The following TAC4 variants were observed in gnomAD, a reference collection of about 807,000 sequenced individuals.
TAC4 encodes tachykinin-4.
A neutral mutation model predicts 17.7 loss-of-function variants in TAC4; 17 were observed. The ratio of observed to expected loss-of-function variants is 0.96; its 90% CI spans 0.66 to 1.44. The LOEUF (loss-of-function observed/expected upper bound fraction) is 1.44. Among genes scored for constraint, TAC4 ranks in the 40% most tolerant of loss-of-function variants. The pLI is 0.00. For missense variants in TAC4, 118 were observed against 125.6 expected (o/e 0.94, Z 0.29); for synonymous variants, 62 against 52.4 (o/e 1.18, Z -0.79).
chr17:49,844,119 C>T lies in TAC4; in HGVS notation c.144G>A (p.Glu48=). The change falls in exon 2 of 5, where the codon GAG becomes GAA. Residue 48 remains glutamate (E), a synonymous_variant. Transcript: ENST00000436235. ...AGPSIQLQLQ[E]VKTGKASQFF... is the part of the protein sequence containing the mutation. Reference sequence around the variant, plus strand: ...ACTGGCTTGCCTTGCCCGTCTTCACCTCCTGCAGCTGGAGCTGAATGCTGG... The same window carrying T: ...ACTGGCTTGCCTTGCCCGTCTTCACTTCCTGCAGCTGGAGCTGAATGCTGG... The T allele has an allele frequency of 6.2e-7, 1 of 1,614,022 alleles. No homozygotes were observed. Among genetic ancestry groups the T allele is most frequent in the Non-Finnish European group, 8.5e-7 (1 of 1,179,870 alleles).
Position 49,841,597 on chromosome 17 carries a change from G to GAAGGAAT in TAC4, c.200-20_200-14dup. On this transcript the variant is annotated splice_polypyrimidine_tract_variant and intron_variant, in intron 2 of 4. Coordinates refer to ENST00000436235, the MANE Select transcript of TAC4 (RefSeq NM_001077506.2). ...ATCAGAGGTCTTCCTGGGGGAAGGA[G>GAAGGAAT]AAGGAATGAGGACTACGGACTGCAC... 6.4e-7 allele frequency: 1 copy of GAAGGAAT among 1,570,234 alleles called. No individual in the cohort carries two copies. The highest frequency in any genetic ancestry group is 8.6e-7 in the Non-Finnish European group (1 of 1,159,358).
chr17:49,840,637 G>A (rs1390279648), intron 3 of TAC4, among the ~76,000 whole-genome samples: 1 of 151,920 alleles, frequency 6.6e-6, no homozygotes, highest in African/African-American at 2.4e-5. Context: ...TGAGTAGCTG[G>A]GATGACAGGC....
chr17:49,839,005 T>G (rs2074477618), intron 4 of TAC4, among the ~76,000 whole-genome samples: 2 of 152,152 alleles, frequency 1.3e-5, no homozygotes, highest in African/African-American at 4.8e-5. Context: ...CGGCTCACTG[T>G]GTGACTTTGG....
intron 2 of TAC4, 154 bp downstream of exon 2, chr17:49,843,910 A>G (rs966495669): frequency 2.9e-6 from 2 of 684,196 alleles, no homozygotes; most frequent in Admixed American, 2.1e-5. Context: ...GATAATTCCT[A>G]TGGACAGTCT....
At chr17:49,844,198 C>T (rs1356765882) in intron 1 of TAC4, 41 bp from the exon 2 acceptor site, 2 of 1,603,386 alleles carry the variant, frequency 1.2e-6, no homozygotes, top group Non-Finnish European at 8.5e-7. Context: ...GGGAGGTTGT[C>T]CAGCAGACGG....
intron 1 of TAC4, chr17:49,846,277 CAT>C (rs2144053940): frequency 1.8e-6 from 2 of 1,142,748 alleles, no homozygotes; most frequent in East Asian, 6.9e-5. Context: ...CCTGTTACCT[CAT>C]TTTTTTTTTT....
chr17:49,846,104 G>C, intron 1 of TAC4: 1 of 758,382 alleles, frequency 1.3e-6, no homozygotes, highest in East Asian at 7.4e-5. Context: ...TGCCTGGTGG[G>C]GGGGCATTCG....
Position 49,844,160 on chromosome 17 carries a change from G to A in TAC4, c.106-3C>T, listed in dbSNP as rs760060413. 2 of 1,613,650 alleles carry A rather than the reference G, an allele frequency of 1.2e-6. No homozygotes were observed. The highest frequency in any genetic ancestry group is 4.5e-5 in the East Asian group (2 of 44,876). On this transcript the variant is annotated splice_region_variant and splice_polypyrimidine_tract_variant and intron_variant, in intron 1 of 4. Coordinates refer to ENST00000436235, the MANE Select transcript of TAC4 (RefSeq NM_001077506.2). ...TGAATGCTGGGGCCAGCGCCTTCCT[G>A]AAGAAGCAGAGAGTTAGTGTTAGAG...
chr17:49,847,919 C>G lies in TAC4; in HGVS notation c.99G>C (p.Glu33Asp). ...GEEQTLSTEA[E>D]TWEGAGPSIQ... Reference sequence around the variant, plus strand: ...CCTCCAAGGCCACAATTACCCAGGTCTCTGCTTCAGTGCTGAGTGTCTGTT... The same window carrying G: ...CCTCCAAGGCCACAATTACCCAGGTGTCTGCTTCAGTGCTGAGTGTCTGTT... Residue 33 changes from glutamate (E) to aspartate (D), a missense_variant, in exon 1 of 5, where the codon GAG becomes GAC. Glu to Asp is a conservative substitution (Grantham distance 45). Coordinates refer to ENST00000436235, the MANE Select transcript of TAC4 (RefSeq NM_001077506.2). 6.2e-7 allele frequency: 1 copy of G among 1,614,196 alleles called. No individual in the cohort carries two copies. Among genetic ancestry groups the G allele is most frequent in the East Asian group, 2.2e-5 (1 of 44,860 alleles).
At chr17:49,846,359 CT>C (rs2074539818) in intron 1 of TAC4, 2 of 618,042 alleles carry the variant, frequency 3.2e-6, no homozygotes, top group South Asian at 3.5e-5. Flanking sequence ...TCACTGCAGC[CT>C]CAACTTCCTG....
At chr17:49,838,699 A>G (rs2074475038) in intron 4 of TAC4, 26 bp from the exon 5 acceptor site, 6 of 1,609,456 alleles carry the variant, frequency 3.7e-6, no homozygotes, top group Non-Finnish European at 3.4e-6. Context: ...TATATGAACC[A>G]TGGTTAGTCG....
chr17:49,847,833 A>G, intron 1 of TAC4, 80 bp downstream of exon 1: 2 of 1,607,806 alleles, frequency 1.2e-6, no homozygotes, highest in Non-Finnish European at 1.7e-6. Flanking sequence ...CATGCAGGGG[A>G]TCTTCTGCCT....
intron 2 of TAC4, among the ~76,000 whole-genome samples, chr17:49,842,159 C>T (rs1461776649): frequency 6.6e-6 from 1 of 151,722 alleles, no homozygotes; most frequent in Non-Finnish European, 1.5e-5. Context: ...CCACCTCAGC[C>T]TCATAGTAGG....
In TAC4 at chr17:49,847,670, TACACACACACACACACACACAG is replaced by T. The variant is rs1298178308; in HGVS notation, c.105+221_105+242del. On this transcript the variant is annotated intron_variant, in intron 1 of 4. Transcript: ENST00000436235. ...TACCGTGTGTTAAATAAGTATTTCT[TACACACACACACACACACACAG>T]ACACACACACACACACACACACACA... The T allele has an allele frequency of 5.0e-4, 212 of 426,206 alleles. 2 individuals are homozygous for T. In the South Asian group the frequency reaches 5.1e-3, roughly 10 times the overall value. The allele number at this position is 426,206 out of a possible 1,614,324, so 26.4% of individuals were successfully genotyped here.
intron 2 of TAC4, among the ~76,000 whole-genome samples, 161 bp from the exon 3 acceptor site, chr17:49,841,745 G>T (rs1445711209): frequency 1.3e-5 from 2 of 151,964 alleles, no homozygotes; most frequent in Non-Finnish European, 2.9e-5. Flanking sequence ...GGAATGTGCT[G>T]GTAGGGGGCA....
chr17:49,846,142 C>T, intron 1 of TAC4: 1 of 1,182,602 alleles, frequency 8.5e-7, no homozygotes, highest in Non-Finnish European at 1.1e-6. Flanking sequence ...TTCACTCCGA[C>T]AGGACTCCTG....
intron 3 of TAC4, among the ~76,000 whole-genome samples, chr17:49,840,337 A>G (rs1364883856): frequency 6.6e-6 from 1 of 152,048 alleles, no homozygotes; most frequent in Admixed American, 6.6e-5. Context: ...CCATGGAGAC[A>G]AGCTCTGTCT....
chr17:49,840,887 CTTTTTTTTTTTT>C (rs778120935), intron 3 of TAC4, among the ~76,000 whole-genome samples: 11 of 79,564 alleles, frequency 1.4e-4, no homozygotes, highest in African/African-American at 6.0e-4. Flanking sequence ...TAGATTTGTA[CTTTTTTTTTTTT>C]TTTTTTTTTT....
intron 1 of TAC4, chr17:49,847,261 G>T (rs1177333644): frequency 7.8e-7 from 1 of 1,288,898 alleles, no homozygotes; most frequent in African/African-American, 1.5e-5. Context: ...TCTCTGGCTT[G>T]TTGGTATCTG....
Sources: allele counts gnomAD v4.1 joint callset (sites outside exome capture counted in the v4.1 genomes callset), GRCh38; gene constraint gnomAD v4.1.1; transcripts MANE v1.5; gene names NCBI Gene and HGNC (gene_info 2026-07-23, HGNC 2026-07-21).